Variants in CEP170 observed in about 807,000 individuals in gnomAD.
CEP170 encodes the protein centrosomal protein 170, also known as centrosomal protein of 170 kDa.
CEP170 carries 21 observed loss-of-function variants against 151.9 expected under a neutral mutation model. That is an observed-to-expected ratio of 0.14 (90% confidence interval 0.10 to 0.20). CEP170 has a LOEUF of 0.20. CEP170 is among the 10% of genes least tolerant of loss of function. The pLI, the probability that CEP170 is intolerant of heterozygous loss-of-function variation, is 1.00. For synonymous variants in CEP170, 356 were observed against 648.8 expected (o/e 0.55, Z 6.86); for missense variants, 964 against 1,892.9 (o/e 0.51, Z 9.11).
intron 12 of CEP170, chr1:243,166,685 C>CAATT (rs2058467189): frequency 6.6e-6 from 1 of 152,174 alleles, no homozygotes; most frequent in Admixed American, 6.6e-5. Context: ...TCAGGAAGGC[C>CAATT]AATTGTATGA....
chr1:243,246,522 G>A lies in CEP170; in HGVS notation c.-42+8518C>T, dbSNP rs538771442. Among the ~76,000 whole-genome samples the A allele has an allele frequency of 1.1e-4, 17 of 152,200 alleles. 1 individual carries two copies. The highest frequency in any genetic ancestry group is 3.6e-4 in the African/African-American group (15 of 41,526). ...GCTGGGATTACAGGCATGAGCCACT[G>A]GGCCCGGCCTGTTGTTTACAATTTT... On this transcript the variant is annotated intron_variant, in intron 1 of 19. Transcript: ENST00000366542.
intron 17 of CEP170, among the ~76,000 whole-genome samples, chr1:243,134,330 T>C (rs1229796169): frequency 6.6e-6 from 1 of 152,168 alleles, no homozygotes; most frequent in East Asian, 1.9e-4. Context: ...AATATTATTC[T>C]GTAGAAAATT....
At chr1:243,197,827 C>T (rs921371539) in intron 7 of CEP170, among the ~76,000 whole-genome samples, 2 of 151,962 alleles carry the variant, frequency 1.3e-5, no homozygotes, top group African/African-American at 2.4e-5. Flanking sequence ...CATCTGAAAG[C>T]GTGCTAAGTA....
intron 13 of CEP170, among the ~76,000 whole-genome samples, chr1:243,163,554 T>TAC (rs763973899): frequency 1.3e-5 from 2 of 152,230 alleles, no homozygotes; most frequent in African/African-American, 2.4e-5. Flanking sequence ...TATATTCAAT[T>TAC]ACACCTAATT....
intron 10 of CEP170, among the ~76,000 whole-genome samples, chr1:243,181,912 T>C (rs576521574): frequency 9.2e-5 from 14 of 152,276 alleles, no homozygotes; most frequent in Non-Finnish European, 1.8e-4. Flanking sequence ...ACCCTATACA[T>C]TTTCTCTGAT....
chr1:243,131,638 T>C lies in CEP170; in HGVS notation c.4320-2185A>G, dbSNP rs2054427006. Among the ~76,000 whole-genome samples, 5 of 152,132 alleles carry C rather than the reference T, an allele frequency of 3.3e-5. No homozygotes were observed. In the South Asian group the frequency reaches 6.2e-4, roughly 19 times the overall value. ...TATTTAATATTTAAATACTAGAGAATCAGAAAACCAGACCAAGAAATTAGT... is the reference window on the plus strand; with the variant it reads ...TATTTAATATTTAAATACTAGAGAACCAGAAAACCAGACCAAGAAATTAGT... On this transcript the variant is annotated intron_variant, in intron 17 of 19. Transcript: ENST00000366542.
chr1:243,213,698 G>GA (rs1452937983), intron 3 of CEP170, among the ~76,000 whole-genome samples: 1 of 152,126 alleles, frequency 6.6e-6, no homozygotes, highest in Non-Finnish European at 1.5e-5. Flanking sequence ...ATGATTTTGG[G>GA]TTTTGTGGGG....
intron 1 of CEP170, among the ~76,000 whole-genome samples, chr1:243,235,243 T>TC (rs1558672382): frequency 6.6e-6 from 1 of 152,128 alleles, no homozygotes; most frequent in Non-Finnish European, 1.5e-5. Flanking sequence ...ACAGGATAAC[T>TC]CGGGTGGTGC....
At chr1:243,190,628 T>C (rs2060252377) in intron 8 of CEP170, among the ~76,000 whole-genome samples, 1 of 152,166 alleles carries the variant, frequency 6.6e-6, no homozygotes, top group African/African-American at 2.4e-5. Context: ...TAAAATTTCT[T>C]TCAGAATCTA....
At position 243,226,163 on chromosome 1, in the gene CEP170, CTA is replaced by C. The variant is rs563251858; in HGVS notation, c.-41-844_-41-843del. On this transcript the variant is annotated intron_variant, in intron 1 of 19. Transcript: ENST00000366542. ...TATATATATGTACATGTCTATCTCT[CTA>C]TAGATATATATATATCTAGATATAT... 2.4e-3 allele frequency among the ~76,000 whole-genome samples: 234 copies of C among 99,554 alleles called. 1 individual carries two copies. The highest frequency in any genetic ancestry group is 8.9e-3 in the African/African-American group (223 of 24,950). 65.3% of individuals were successfully genotyped at this position (99,554 alleles called of 152,430 possible).
At chr1:243,208,327 AG>A (rs2061554142) in intron 4 of CEP170, among the ~76,000 whole-genome samples, 1 of 148,592 alleles carries the variant, frequency 6.7e-6, no homozygotes, top group Non-Finnish European at 1.5e-5. Context: ...GAGTAGCCAG[AG>A]GATCTTTTTA....
intron 7 of CEP170, among the ~76,000 whole-genome samples, chr1:243,196,865 CTT>C (rs1310682515): frequency 9.9e-5 from 15 of 152,050 alleles, no homozygotes; most frequent in African/African-American, 3.1e-4. Context: ...GAATGTATCT[CTT>C]TGTCATTTAA....
intron 4 of CEP170, among the ~76,000 whole-genome samples, 158 bp from the exon 5 acceptor site, chr1:243,200,993 A>G (rs2060992364): frequency 6.6e-6 from 1 of 152,094 alleles, no homozygotes; most frequent in Non-Finnish European, 1.5e-5. Context: ...ATGGTCACCA[A>G]TGTAAACATT....
intron 1 of CEP170, among the ~76,000 whole-genome samples, chr1:243,226,727 C>T (rs901001634): frequency 1.7e-4 from 26 of 152,274 alleles, no homozygotes; most frequent in Admixed American, 1.1e-3. Context: ...CAGTGGCTCA[C>T]GCCGGTAATC....
At chr1:243,187,981 A>C (rs1272012663) in intron 8 of CEP170, among the ~76,000 whole-genome samples, 22 of 152,104 alleles carry the variant, frequency 1.4e-4, no homozygotes, top group Admixed American at 1.2e-3. Context: ...ATCTTTCTTC[A>C]AATTGTTGAC....
At chr1:243,238,809 T>C (rs2064506941) in intron 1 of CEP170, among the ~76,000 whole-genome samples, 1 of 152,212 alleles carries the variant, frequency 6.6e-6, no homozygotes, top group African/African-American at 2.4e-5. Context: ...GTGCTAACGG[T>C]TCATGGTTGA....
At chr1:243,160,169 ATTTC>A (rs1211465938) in intron 13 of CEP170, among the ~76,000 whole-genome samples, 7 of 152,046 alleles carry the variant, frequency 4.6e-5, no homozygotes, top group Non-Finnish European at 8.8e-5. Flanking sequence ...GAAAAAATTT[ATTTC>A]TTTCTCTTGA....
intron 7 of CEP170, among the ~76,000 whole-genome samples, chr1:243,195,607 T>C (rs2060595222): frequency 6.6e-6 from 1 of 152,038 alleles, no homozygotes; most frequent in Non-Finnish European, 1.5e-5. Context: ...AAATCACTTT[T>C]TGCTTTCACT....
chr1:243,225,983 C>CTA (rs199652735), intron 1 of CEP170, among the ~76,000 whole-genome samples: 1 of 142,588 alleles, frequency 7.0e-6, no homozygotes, highest in Admixed American at 6.8e-5. Flanking sequence ...ATCTATCTAT[C>CTA]TATATATATA....
Sources: gnomAD v4.1 joint callset for allele counts (sites outside exome capture counted in the v4.1 genomes callset) on GRCh38, gnomAD v4.1.1 for gene constraint, MANE v1.5 for transcripts, NCBI Gene and HGNC (gene_info 2026-07-23, HGNC 2026-07-21) for gene names.